Variants in LEMD2 observed in about 807,000 individuals in gnomAD.
The protein encoded by LEMD2 is LEM domain-containing protein 2.
LEMD2 carries 34 observed loss-of-function variants against 58.8 expected under a neutral mutation model. That is an observed-to-expected ratio of 0.58 (90% CI 0.44 to 0.77). LEMD2 has a LOEUF of 0.77. Ranked by LOEUF, LEMD2 falls within the 30% of genes least tolerant of loss-of-function variation. The pLI is 0.00. For synonymous variants in LEMD2, 298 were observed against 308.9 expected (o/e 0.96, Z 0.37); for missense variants, 629 against 717.9 (o/e 0.88, Z 1.42).
In LEMD2 at chr6:33,771,282, CTTAT is replaced by C. The variant is rs1430760877; in HGVS notation, c.*1342_*1345del. Reference sequence around the variant, plus strand: ...GATACTGAAGCCTGTTGCGGTGTTTCTTATTTTTCTGGCTGGAGCCTGATTATGA... The same window carrying C: ...GATACTGAAGCCTGTTGCGGTGTTTCTTTTCTGGCTGGAGCCTGATTATGA... On this transcript the variant is annotated 3_prime_UTR_variant, in exon 9 of 9. Coordinates refer to ENST00000293760, the MANE Select transcript of LEMD2 (RefSeq NM_181336.4). The C allele has an allele frequency of 1.3e-5, 2 of 152,200 alleles. No homozygotes were observed. Among genetic ancestry groups the C allele is most frequent in the African/African-American group, 4.8e-5 (2 of 41,442 alleles). 9.4% of individuals were successfully genotyped at this position (152,200 alleles called of 1,614,324 possible).
At position 33,778,650 on chromosome 6, in the gene LEMD2, T is replaced by C; in HGVS notation, c.1011-263A>G. ...CCCCTGTCAGGTCTTTGACAGCCTC[T>C]CTCAGCATGCAGGAGATTAAACTGT... On this transcript the variant is annotated intron_variant, in intron 5 of 8. Coordinates refer to ENST00000293760, the MANE Select transcript of LEMD2 (RefSeq NM_181336.4). The surrounding 1 kb of genome is among the most constrained non-coding windows in gnomAD (Gnocchi z 4.7). 2.9e-6 allele frequency: 1 copy of C among 339,736 alleles called. No individual in the cohort carries two copies. 21.0% of individuals were successfully genotyped at this position (339,736 alleles called of 1,614,324 possible).
chr6:33,787,414 C>T (rs1767703441), intron 1 of LEMD2, among the ~76,000 whole-genome samples: 1 of 152,196 alleles, frequency 6.6e-6, no homozygotes, highest in African/African-American at 2.4e-5. Context: ...ATACCCTTGC[C>T]CACAGACTTG....
chr6:33,781,032 G>C (rs1348094800), intron 4 of LEMD2, 45 bp downstream of exon 4: 1 of 1,345,858 alleles, frequency 7.4e-7, no homozygotes, highest in South Asian at 1.2e-5. Flanking sequence ...CAATAGGAAA[G>C]CACCAGGCCC....
At chr6:33,773,127 C>T (rs978429407) in intron 8 of LEMD2, among the ~76,000 whole-genome samples, 8 of 152,180 alleles carry the variant, frequency 5.3e-5, no homozygotes, top group Admixed American at 5.2e-4. Flanking sequence ...TCCAGTACCC[C>T]GCCAACTGCA....
chr6:33,783,567 T>C (rs943907106), intron 3 of LEMD2, among the ~76,000 whole-genome samples: 6 of 152,236 alleles, frequency 3.9e-5, no homozygotes, highest in African/African-American at 7.2e-5. Context: ...CATGCTGATA[T>C]TCACCTATGT....
At position 33,788,299 on chromosome 6, in the gene LEMD2, G is replaced by A. The variant is rs1488792697; in HGVS notation, c.736+82C>T. The A allele has an allele frequency of 4.4e-6, 6 of 1,373,508 alleles. No homozygotes were observed. The East Asian group carries it at 1.8e-4, about 41-fold the overall frequency. The allele number at this position is 1,373,508 out of a possible 1,614,324, so 85.1% of individuals were successfully genotyped here. ...CAGCTGACAAGGCCGGAAGTGCGCG[G>A]CCTGGCGCCGACAGGAACGGGGGGT... On this transcript the variant is annotated intron_variant, in intron 1 of 8. Transcript: ENST00000293760.
At chr6:33,785,132 G>T (rs1436909801) in intron 2 of LEMD2, among the ~76,000 whole-genome samples, 1 of 152,000 alleles carries the variant, frequency 6.6e-6, no homozygotes, top group Non-Finnish European at 1.5e-5. Context: ...ACCGAAAAGG[G>T]AAAGAACATG....
At chr6:33,773,047 G>A (rs991705511) in intron 8 of LEMD2, among the ~76,000 whole-genome samples, 1 of 152,212 alleles carries the variant, frequency 6.6e-6, no homozygotes, top group East Asian at 1.9e-4. Flanking sequence ...GTCTCCAGGT[G>A]TGCAGGGCTG....
chr6:33,785,243 C>T (rs1767650540), intron 2 of LEMD2, among the ~76,000 whole-genome samples: 2 of 152,122 alleles, frequency 1.3e-5, no homozygotes. Context: ...GAAACACGTC[C>T]CCACCTGCTT....
In LEMD2 at chr6:33,778,563, T is replaced by C; in HGVS notation, c.1011-176A>G. 2.2e-6 allele frequency: 1 copy of C among 451,146 alleles called. No homozygotes were observed. The highest frequency in any genetic ancestry group is 3.8e-6 in the Non-Finnish European group (1 of 260,828). 27.9% of individuals were successfully genotyped at this position (451,146 alleles called of 1,614,324 possible). On this transcript the variant is annotated intron_variant, in intron 5 of 8. Transcript: ENST00000293760. This position sits in a 1 kb window ranked among gnomAD's most constrained non-coding sequence, Gnocchi z 4.7. Reference sequence around the variant, plus strand: ...TCCAGAAATTTCCCACATTGGCTACTTAGAATGAATAAAGCTTTAAAGACG... The same window carrying C: ...TCCAGAAATTTCCCACATTGGCTACCTAGAATGAATAAAGCTTTAAAGACG...
Position 33,788,395 on chromosome 6 carries a change from T to G in LEMD2, c.722A>C (p.Glu241Ala). 6.3e-7 allele frequency: 1 copy of G among 1,580,160 alleles called. No individual in the cohort carries two copies. Among genetic ancestry groups the G allele is most frequent in the Non-Finnish European group, 8.6e-7 (1 of 1,164,548 alleles). Residue 241 changes from glutamate (E) to alanine (A), a missense_variant, in exon 1 of 9, where the codon GAG becomes GCG. This residue lies in a region of LEMD2 where 386 missense variants were observed against 381.1 expected (regional missense o/e 1.01). Coordinates refer to ENST00000293760, the MANE Select transcript of LEMD2 (RefSeq NM_181336.4). ...VKMGKPSAPQ[E>A]AEDNMKLLPV... ...CCAGGACGTACTGTTGTCCTCCGCC[T>G]CCTGCGGCGCTGAGGGCTTGCCCAT...
At position 33,778,322 on chromosome 6, in the gene LEMD2, G is replaced by C; in HGVS notation, c.1076C>G (p.Ala359Gly). 1 of 1,607,688 alleles carries C rather than the reference G, an allele frequency of 6.2e-7. No homozygotes were observed. The highest frequency in any genetic ancestry group is 8.5e-7 in the Non-Finnish European group (1 of 1,176,484). The change falls in exon 6 of 9, where the codon GCC becomes GGC. Residue 359 changes from alanine to glycine, a missense_variant. Around this residue, in one of 2 missense-constraint regions of LEMD2, gnomAD observed 243 missense variants for 336.8 expected, o/e 0.72. Coordinates refer to ENST00000293760, the MANE Select transcript of LEMD2 (RefSeq NM_181336.4). This position sits in a 1 kb window ranked among gnomAD's most constrained non-coding sequence, Gnocchi z 4.7. Reference protein sequence around the residue: ...TVDKVVCLESAHPRMGVGCRL... With the variant: ...TVDKVVCLESGHPRMGVGCRL... ...GCAGCCAACACCCATGCGGGGGTGG[G>C]CAGATTCCAGGCAGACCACCTTGTC...
intron 1 of LEMD2, 27 bp downstream of exon 1, chr6:33,788,354 C>G: frequency 1.3e-6 from 2 of 1,526,436 alleles, no homozygotes; most frequent in Non-Finnish European, 1.8e-6. Flanking sequence ...CGCCCAGGGC[C>G]CTCCCCTGCG....
chr6:33,773,247 C>G (rs1311922924), intron 8 of LEMD2, among the ~76,000 whole-genome samples: 1 of 152,168 alleles, frequency 6.6e-6, no homozygotes, highest in Non-Finnish European at 1.5e-5. Context: ...ACGGGGGAGG[C>G]CAAGAAGCTG....
intron 8 of LEMD2, 143 bp downstream of exon 8, chr6:33,776,811 G>T: frequency 3.0e-6 from 2 of 677,410 alleles, no homozygotes; most frequent in Non-Finnish European, 2.6e-6. Context: ...AGCAGCAGGA[G>T]TGGGAGCAGA....
At chr6:33,784,477 G>GGGGGGGGGGGGGGGGGGGGCCCCCCCC in intron 2 of LEMD2, 50 bp from the exon 3 acceptor site, 1 of 430,808 alleles carries the variant, frequency 2.3e-6, no homozygotes. Flanking sequence ...GGTGGGAGGG[G>GGGGGGGGGGGGGGGGGGGGCCCCCCCC]TCCGTCTGTC....
At position 33,788,982 on chromosome 6, in the gene LEMD2, G is replaced by C. The variant is rs200724068; in HGVS notation, c.135C>G (p.Arg45=). 3.2e-6 allele frequency: 5 copies of C among 1,542,354 alleles called. No individual in the cohort carries two copies. In the East Asian group the frequency reaches 1.3e-4, roughly 41 times the overall value. The change falls in exon 1 of 9, where the codon CGC becomes CGG. Residue 45 remains arginine (R), a synonymous_variant. Coordinates refer to ENST00000293760, the MANE Select transcript of LEMD2 (RefSeq NM_181336.4). Reference sequence around the variant, plus strand: ...CCTCCTCCCGCAGCCGCTCCTCGTCGCGCAGCCGGGCCTCGCCCCGCAGGC... The same window carrying C: ...CCTCCTCCCGCAGCCGCTCCTCGTCCCGCAGCCGGGCCTCGCCCCGCAGGC... The part of the protein sequence containing the change: ...LRRLRGEARL[R]DEERLREEAR...
intron 1 of LEMD2, 103 bp downstream of exon 1, chr6:33,788,278 T>C (rs1400815161): frequency 9.0e-6 from 11 of 1,227,504 alleles, no homozygotes; most frequent in African/African-American, 1.6e-5. Context: ...CAGAGGCAGC[T>C]GACAAGGCCG....
intron 8 of LEMD2, chr6:33,776,500 G>A (rs1023512312): frequency 5.4e-6 from 1 of 183,594 alleles, no homozygotes; most frequent in African/African-American, 2.3e-5. Flanking sequence ...CAACCATGAG[G>A]GACCCCAGTC....
Sources: gnomAD v4.1 joint callset for allele counts (sites outside exome capture counted in the v4.1 genomes callset) on GRCh38, gnomAD v4.1.1 for gene constraint, gnomAD v4.1.1 regional missense constraint, Gnocchi (gnomAD v3.1) non-coding constraint, MANE v1.5 for transcripts, NCBI Gene and HGNC (gene_info 2026-07-23, HGNC 2026-07-21) for gene names.